Variants in ADAM23 observed in about 807,000 individuals in gnomAD.
The protein encoded by ADAM23 is disintegrin and metalloproteinase domain-containing protein 23.
In ADAM23, 33 loss-of-function variants were observed where a neutral mutation model predicts 120.1. The observed-to-expected ratio is 0.27, with a 90% CI of 0.21 to 0.37. The LOEUF (loss-of-function observed/expected upper bound fraction) is 0.37. ADAM23 is among the 10% of genes least tolerant of loss of function. The pLI is 1.00. For missense variants in ADAM23, 862 were observed against 1,058.2 expected (o/e 0.81, Z 2.57); for synonymous variants, 367 against 375.2 (o/e 0.98, Z 0.25).
At chr2:206,535,217 CTA>C (rs1697146800) in intron 4 of ADAM23, among the ~76,000 whole-genome samples, 1 of 152,176 alleles carries the variant, frequency 6.6e-6, no homozygotes, top group Admixed American at 6.5e-5. Context: ...TGTTTCAATT[CTA>C]TGTCACTCTC....
intron 2 of ADAM23, among the ~76,000 whole-genome samples, chr2:206,477,895 A>T (rs763619538): frequency 0.4 from 39,811 of 99,060 alleles, 7,821 homozygotes; most frequent in Middle Eastern, 0.44. Flanking sequence ...AAAAAAAAAA[A>T]AAATATATAT....
intron 18 of ADAM23, among the ~76,000 whole-genome samples, chr2:206,579,870 AT>A (rs1462592605): frequency 6.6e-6 from 1 of 151,532 alleles, no homozygotes; most frequent in African/African-American, 2.4e-5. Flanking sequence ...CATGGGATGT[AT>A]TTCCATTTGT....
chr2:206,535,699 C>A (rs188187346), intron 4 of ADAM23, among the ~76,000 whole-genome samples: 1 of 152,266 alleles, frequency 6.6e-6, no homozygotes, highest in East Asian at 1.9e-4. Context: ...TAAAATAAGC[C>A]ATACACGAAG....
chr2:206,579,236 A>T (rs934002040), intron 18 of ADAM23, among the ~76,000 whole-genome samples: 8 of 152,082 alleles, frequency 5.3e-5, no homozygotes, highest in South Asian at 4.1e-4. Context: ...CTTTAGTTTA[A>T]TTAGGTCCCA....
intron 22 of ADAM23, 115 bp from the exon 23 acceptor site, chr2:206,594,622 G>A: frequency 8.5e-7 from 1 of 1,177,220 alleles, no homozygotes; most frequent in Non-Finnish European, 1.2e-6. Flanking sequence ...GAAAATGCTA[G>A]GAGAAATCCA....
chr2:206,528,861 A>G (rs1425667140), intron 3 of ADAM23, among the ~76,000 whole-genome samples: 3 of 152,130 alleles, frequency 2.0e-5, no homozygotes, highest in Non-Finnish European at 2.9e-5. Context: ...AGTGGGACCT[A>G]CTCTTGTCCT....
intron 2 of ADAM23, among the ~76,000 whole-genome samples, chr2:206,476,212 C>T (rs1056753269): frequency 6.6e-6 from 1 of 152,176 alleles, no homozygotes; most frequent in Non-Finnish European, 1.5e-5. Context: ...GTTTGTAAAA[C>T]ATTTTCTTGT....
At chr2:206,462,324 C>G (rs1695439820) in intron 2 of ADAM23, among the ~76,000 whole-genome samples, 1 of 152,108 alleles carries the variant, frequency 6.6e-6, no homozygotes, top group African/African-American at 2.4e-5. Context: ...AATTTCTCTC[C>G]CAGCACGCCC....
intron 15 of ADAM23, 43 bp from the exon 16 acceptor site, chr2:206,570,697 G>A (rs775585371): frequency 3.1e-5 from 47 of 1,527,888 alleles, no homozygotes; most frequent in Non-Finnish European, 2.2e-5. Context: ...GATTTTCTGT[G>A]ATAAATTGAA....
At chr2:206,607,382 GA>G (rs1213075785) in intron 24 of ADAM23, among the ~76,000 whole-genome samples, 2 of 152,150 alleles carry the variant, frequency 1.3e-5, no homozygotes, top group African/African-American at 4.8e-5. Context: ...GCATTTATGT[GA>G]AATTCCTCCT....
intron 18 of ADAM23, among the ~76,000 whole-genome samples, chr2:206,582,144 C>T (rs1216629647): frequency 2.0e-5 from 3 of 152,206 alleles, no homozygotes; most frequent in Admixed American, 2.0e-4. Flanking sequence ...TCCCAAAGTG[C>T]TGGGATTACA....
At chr2:206,539,073 G>A (rs1697239240) in intron 4 of ADAM23, among the ~76,000 whole-genome samples, 1 of 152,198 alleles carries the variant, frequency 6.6e-6, no homozygotes, top group Non-Finnish European at 1.5e-5. Flanking sequence ...TGAAGAGGAA[G>A]CCTGGTAGGT....
chr2:206,472,440 T>G (rs1695679042), intron 2 of ADAM23, among the ~76,000 whole-genome samples: 1 of 151,740 alleles, frequency 6.6e-6, no homozygotes, highest in Non-Finnish European at 1.5e-5. Context: ...TGAAACCCTG[T>G]CTTTACTAAA....
intron 2 of ADAM23, among the ~76,000 whole-genome samples, chr2:206,446,369 A>G (rs1695082416): frequency 6.6e-6 from 1 of 152,230 alleles, no homozygotes; most frequent in African/African-American, 2.4e-5. Context: ...TATCGGGAGC[A>G]GAAAATAGAG....
Position 206,617,859 on chromosome 2 carries a change from C to A in ADAM23, c.*232C>A. On this transcript the variant is annotated 3_prime_UTR_variant, in exon 26 of 26. Coordinates refer to ENST00000264377, the MANE Select transcript of ADAM23 (RefSeq NM_003812.4). ...GTAAACGGGGGAGGGGGCAAAAGAC[C>A]ATGCTATAAAAAGAACTGTTCCAGA... is the stretch of plus-strand genomic sequence containing the variant. 1 of 784,752 alleles carries A rather than the reference C, an allele frequency of 1.3e-6. No homozygotes were observed. Among genetic ancestry groups the A allele is most frequent in the African/African-American group, 1.8e-5 (1 of 56,136 alleles). The allele number at this position is 784,752 out of a possible 1,614,324, so 48.6% of individuals were successfully genotyped here. A position where few individuals can be genotyped will look rare whatever the true frequency, so the allele number is the denominator to read the frequency against.
chr2:206,615,615 T>C (rs970918801), intron 25 of ADAM23, among the ~76,000 whole-genome samples: 2 of 152,152 alleles, frequency 1.3e-5, no homozygotes, highest in Non-Finnish European at 2.9e-5. Context: ...GGGACATCAG[T>C]GGAAGAGCTA....
Position 206,445,387 on chromosome 2 carries a change from A to G in ADAM23, c.295A>G (p.Ser99Gly), listed in dbSNP as rs1695060216. ...CAATACATTGCAACAGAATAGCAGC[A>G]GTAATATCAGTTACAGCAATGCAAT... ...EDNTLQQNSS[S>G]NISYSNAMQK... is the part of the protein sequence containing the mutation. The change falls in exon 2 of 26, where the codon AGT becomes GGT. Residue 99 changes from serine to glycine, a missense_variant. Ser to Gly is a moderately conservative substitution (Grantham distance 56). Around this residue, in one of 4 missense-constraint regions of ADAM23, gnomAD observed 225 missense variants for 204.0 expected, o/e 1.10. Transcript: ENST00000264377. The G allele has an allele frequency of 6.2e-7, 1 of 1,614,014 alleles. No homozygotes were observed.
At position 206,445,485 on chromosome 2, in the gene ADAM23, T is replaced by G; in HGVS notation, c.393T>G (p.Val131=). Residue 131 remains valine, a synonymous_variant, in exon 2 of 26, where the codon GTT becomes GTG. Coordinates refer to ENST00000264377, the MANE Select transcript of ADAM23 (RefSeq NM_003812.4). ...AAGACTCGGAAAGCCCTTATCACGT[T>G]CTTGACACAAAGGCAAGACACCAGC... The part of the protein sequence containing the change: ...INQDSESPYH[V]LDTKARHQQK... 1 of 1,614,094 alleles carries G rather than the reference T, an allele frequency of 6.2e-7. No homozygotes were observed. The highest frequency in any genetic ancestry group is 8.5e-7 in the Non-Finnish European group (1 of 1,180,020).
intron 2 of ADAM23, among the ~76,000 whole-genome samples, chr2:206,470,995 A>T (rs1282002337): frequency 2.6e-5 from 4 of 152,210 alleles, no homozygotes; most frequent in Non-Finnish European, 4.4e-5. Flanking sequence ...GAGCCTGAAA[A>T]ATTCTGCAAA....
Sources: gnomAD v4.1 joint callset for allele counts (sites outside exome capture counted in the v4.1 genomes callset) on GRCh38, gnomAD v4.1.1 for gene constraint, gnomAD v4.1.1 regional missense constraint, MANE v1.5 for transcripts, NCBI Gene and HGNC (gene_info 2026-07-23, HGNC 2026-07-21) for gene names.